The following ATXN7L1 variants were observed in gnomAD, a reference collection of about 807,000 sequenced individuals.
ATXN7L1 encodes ataxin 7 like 1, also known as ataxin-7-like protein 1.
ATXN7L1 carries 15 observed loss-of-function variants against 70.8 expected under a neutral mutation model. That is an observed-to-expected ratio of 0.21 (90% confidence interval 0.14 to 0.33). ATXN7L1 has a LOEUF of 0.33. ATXN7L1 is among the 10% of genes least tolerant of loss of function. ATXN7L1 has a pLI of 1.00. For synonymous variants in ATXN7L1, 440 were observed against 445.1 expected, an observed-to-expected ratio of 0.99 and a Z score of 0.14; for missense variants, 975 against 1,097.1, an observed-to-expected ratio of 0.89 and a Z score of 1.57.
chr7:105,788,571 C>T (rs927838028), intron 3 of ATXN7L1, 33 bp downstream of exon 3: 2 of 1,537,060 alleles, frequency 1.3e-6, no homozygotes, highest in Non-Finnish European at 1.8e-6. Flanking sequence ...GCGGCAGCTG[C>T]AGATGTGGCC....
chr7:105,624,649 CA>C (rs386410908), intron 7 of ATXN7L1, among the ~76,000 whole-genome samples: 5 of 114,954 alleles, frequency 4.3e-5, no homozygotes, highest in Admixed American at 1.9e-4. Context: ...GACTCTGTCT[CA>C]AAAAAAAAAA....
At chr7:105,867,392 C>A (rs777583145) in intron 2 of ATXN7L1, among the ~76,000 whole-genome samples, 1 of 152,178 alleles carries the variant, frequency 6.6e-6, no homozygotes, top group African/African-American at 2.4e-5. Context: ...CTTTTGACAT[C>A]GGGGGCCACT....
intron 3 of ATXN7L1, among the ~76,000 whole-genome samples, chr7:105,757,593 T>C (rs946097183): frequency 2.0e-5 from 3 of 147,644 alleles, no homozygotes; most frequent in Non-Finnish European, 4.5e-5. Flanking sequence ...TTTTTTTTTT[T>C]TTTTTGAGAC....
intron 2 of ATXN7L1, among the ~76,000 whole-genome samples, chr7:105,801,583 C>G (rs962420032): frequency 1.3e-5 from 2 of 152,134 alleles, no homozygotes; most frequent in African/African-American, 4.8e-5. Flanking sequence ...ATTCTGTTAG[C>G]TAAGGGGAAA....
At chr7:105,756,464 G>C (rs1337031327) in intron 3 of ATXN7L1, among the ~76,000 whole-genome samples, 1 of 152,182 alleles carries the variant, frequency 6.6e-6, no homozygotes, top group Non-Finnish European at 1.5e-5. Context: ...AATATAGTTT[G>C]CTTTAGTAGG....
At chr7:105,746,756 A>T (rs538233613) in intron 3 of ATXN7L1, among the ~76,000 whole-genome samples, 1 of 152,208 alleles carries the variant, frequency 6.6e-6, no homozygotes, top group Non-Finnish European at 1.5e-5. Flanking sequence ...TTAATAAATG[A>T]ATGCATTATT....
intron 4 of ATXN7L1, among the ~76,000 whole-genome samples, chr7:105,644,536 T>G (rs964126866): frequency 6.6e-6 from 1 of 152,166 alleles, no homozygotes; most frequent in African/African-American, 2.4e-5. Flanking sequence ...CTGATCAGAG[T>G]GTCTCAATGT....
chr7:105,753,452 G>A (rs1476439891), intron 3 of ATXN7L1, among the ~76,000 whole-genome samples: 1 of 152,208 alleles, frequency 6.6e-6, no homozygotes, highest in Non-Finnish European at 1.5e-5. Flanking sequence ...CTGGTATAAG[G>A]TGAAGATTAT....
intron 6 of ATXN7L1, among the ~76,000 whole-genome samples, chr7:105,639,215 G>A (rs1797817917): frequency 6.6e-6 from 1 of 152,006 alleles, no homozygotes; most frequent in African/African-American, 2.4e-5. Context: ...AGAACCGCCT[G>A]TGAGTGCCTA....
chr7:105,688,653 G>A (rs1465534676), intron 3 of ATXN7L1, among the ~76,000 whole-genome samples: 1 of 152,174 alleles, frequency 6.6e-6, no homozygotes, highest in South Asian at 2.1e-4. Context: ...AGCCTTGTCT[G>A]GGAAGACTCT....
intron 3 of ATXN7L1, among the ~76,000 whole-genome samples, chr7:105,781,307 C>T (rs925599393): frequency 6.6e-6 from 1 of 152,154 alleles, no homozygotes; most frequent in Non-Finnish European, 1.5e-5. Flanking sequence ...TAAACGTTCA[C>T]CCCAATTACA....
intron 7 of ATXN7L1, 151 bp downstream of exon 7, chr7:105,638,202 T>C (rs1413585165): frequency 2.9e-5 from 33 of 1,133,044 alleles, no homozygotes; most frequent in Non-Finnish European, 4.0e-5. Context: ...GCCTCTTATG[T>C]ACATTATCTC....
intron 3 of ATXN7L1, among the ~76,000 whole-genome samples, chr7:105,749,489 C>T (rs1345774034): frequency 6.6e-6 from 1 of 151,580 alleles, no homozygotes; most frequent in Non-Finnish European, 1.5e-5. Flanking sequence ...ACAGTTGTCA[C>T]CCTGAGAAAA....
At chr7:105,753,130 A>AGCT (rs1554450624) in intron 3 of ATXN7L1, among the ~76,000 whole-genome samples, 2 of 152,218 alleles carry the variant, frequency 1.3e-5, no homozygotes, top group Non-Finnish European at 2.9e-5. Flanking sequence ...CAGGTGGCTG[A>AGCT]GCTGCTGCTG....
intron 2 of ATXN7L1, among the ~76,000 whole-genome samples, chr7:105,821,765 T>C (rs567903491): frequency 6.6e-6 from 1 of 152,388 alleles, no homozygotes; most frequent in Non-Finnish European, 1.5e-5. Context: ...GGATCACACG[T>C]GGCACACCTT....
At chr7:105,649,710 G>T (rs995255236) in intron 4 of ATXN7L1, 20 of 460,056 alleles carry the variant, frequency 4.3e-5, no homozygotes, top group Non-Finnish European at 5.7e-5. Context: ...TTAAGAGAAT[G>T]GTTCTGAATG....
At chr7:105,826,998 T>C (rs1810962274) in intron 2 of ATXN7L1, among the ~76,000 whole-genome samples, 3 of 152,220 alleles carry the variant, frequency 2.0e-5, no homozygotes, top group Non-Finnish European at 4.4e-5. Context: ...AGGGACCACC[T>C]GAACTACAGG....
chr7:105,638,673 C>A (rs978719568), intron 6 of ATXN7L1, 64 bp from the exon 7 acceptor site: 2 of 1,464,026 alleles, frequency 1.4e-6, no homozygotes, highest in South Asian at 1.4e-5. Flanking sequence ...CTTCCCCAGG[C>A]CCTCCATTTC....
intron 3 of ATXN7L1, among the ~76,000 whole-genome samples, chr7:105,729,738 T>TC: frequency 1.6e-5 from 1 of 60,790 alleles, no homozygotes; most frequent in Non-Finnish European, 2.9e-5. Context: ...CACCACTTCT[T>TC]TTTTTTTTTT....
Sources: gnomAD v4.1 joint callset for allele counts (sites outside exome capture counted in the v4.1 genomes callset) on GRCh38, gnomAD v4.1.1 for gene constraint, MANE v1.5 for transcripts, NCBI Gene and HGNC (gene_info 2026-07-23, HGNC 2026-07-21) for gene names.